Variants in OSBPL2 observed in about 807,000 individuals in gnomAD.
OSBPL2 encodes the protein oxysterol binding protein like 2.
A neutral mutation model predicts 58.4 loss-of-function variants in OSBPL2; 18 were observed. That is an observed-to-expected ratio of 0.31 (90% confidence interval 0.21 to 0.46). The LOEUF (loss-of-function observed/expected upper bound fraction) is 0.46, where lower values mean the gene tolerates loss of function less well. OSBPL2 is among the 20% of genes least tolerant of loss of function. OSBPL2 has a pLI of 1.00. For synonymous variants in OSBPL2, 221 were observed against 234.1 expected (o/e 0.94, Z 0.51); for missense variants, 461 against 616.5 (o/e 0.75, Z 2.67).
At position 62,281,847 on chromosome 20, in the gene OSBPL2, T is replaced by C. The variant is rs147023501; in HGVS notation, c.840T>C (p.Leu280=). The change falls in exon 9 of 14, where the codon CTT becomes CTC. Residue 280 remains leucine (L), a synonymous_variant. Coordinates refer to ENST00000313733, the MANE Select transcript of OSBPL2 (RefSeq NM_144498.4). ...FKPCGLFGKE[L]HKVEGHIQDK... ...CGTGTGGATTATTTGGAAAAGAACT[T>C]CACAAGGTGGAAGGACACATTCAAG... 4.7e-5 allele frequency: 76 copies of C among 1,612,506 alleles called. No individual in the cohort carries two copies. Among genetic ancestry groups the C allele is most frequent in the Non-Finnish European group, 1.0e-5 (12 of 1,178,694 alleles).
Position 62,251,113 on chromosome 20 carries a change from G to A in OSBPL2, c.-128-4944G>A, listed in dbSNP as rs556050823. On this transcript the variant is annotated intron_variant, in intron 1 of 13. Transcript: ENST00000313733. ...GGCTGGAGTGCAGTGGTGCGATCTC[G>A]GCTCACCGCAAGCTCTGCCTCCTGG... Among the ~76,000 whole-genome samples, 5 of 143,166 alleles carry A rather than the reference G, an allele frequency of 3.5e-5. No homozygotes were observed. In the East Asian group the frequency reaches 8.1e-4, roughly 23 times the overall value. The allele number at this position is 143,166 out of a possible 152,430, so 93.9% of individuals were successfully genotyped here. A position where few individuals can be genotyped will look rare whatever the true frequency, so the allele number is the denominator to read the frequency against.
chr20:62,278,164 T>G (rs1269666895), intron 6 of OSBPL2: 1 of 173,792 alleles, frequency 5.8e-6, no homozygotes, highest in African/African-American at 2.4e-5. Flanking sequence ...GTGGGTCAGA[T>G]GTGCTCTGGA....
At chr20:62,292,017 G>A (rs1983555376) in intron 13 of OSBPL2, among the ~76,000 whole-genome samples, 2 of 152,192 alleles carry the variant, frequency 1.3e-5, no homozygotes, top group Admixed American at 1.3e-4. Flanking sequence ...CCTGACCCAT[G>A]TGGTTCCCAC....
At position 62,279,243 on chromosome 20, in the gene OSBPL2, A is replaced by G. The variant is rs1432276230; in HGVS notation, c.578A>G (p.Asp193Gly). Reference sequence around the variant, plus strand: ...TTCCACTCGGAAGGTCTCAACCATGACTTCCTGTTCCATGGCTCCATCTAC... The same window carrying G: ...TTCCACTCGGAAGGTCTCAACCATGGCTTCCTGTTCCATGGCTCCATCTAC... The part of the protein sequence containing the change: ...SAFHSEGLNH[D>G]FLFHGSIYPK... The change falls in exon 7 of 14, where the codon GAC (aspartate) becomes GGC (glycine). Residue 193 changes from aspartate to glycine, a missense_variant. Asp to Gly is a moderately conservative substitution (Grantham distance 94). Around this residue, in one of 5 missense-constraint regions of OSBPL2, gnomAD observed 319 missense variants for 419.2 expected, o/e 0.76. Transcript: ENST00000313733. 6.2e-7 allele frequency: 1 copy of G among 1,614,170 alleles called. No individual in the cohort carries two copies. The highest frequency in any genetic ancestry group is 2.2e-5 in the East Asian group (1 of 44,880).
chr20:62,272,514 G>A (rs1034501420), intron 5 of OSBPL2, among the ~76,000 whole-genome samples: 2 of 152,186 alleles, frequency 1.3e-5, no homozygotes, highest in Non-Finnish European at 2.9e-5. Context: ...GGGAGACTCC[G>A]CCTCTTGGAG....
At chr20:62,246,314 C>T (rs914018350) in intron 1 of OSBPL2, among the ~76,000 whole-genome samples, 7 of 152,246 alleles carry the variant, frequency 4.6e-5, no homozygotes, top group African/African-American at 1.7e-4. Flanking sequence ...TTCAGTTCTC[C>T]CTCACGTTTC....
intron 8 of OSBPL2, 26 bp from the exon 9 acceptor site, chr20:62,281,764 G>GAA: frequency 6.4e-7 from 1 of 1,552,690 alleles, no homozygotes; most frequent in Non-Finnish European, 8.9e-7. Flanking sequence ...TCTTGCAGCA[G>GAA]AAACCTGTGT....
At chr20:62,244,241 G>A (rs989281103) in intron 1 of OSBPL2, among the ~76,000 whole-genome samples, 27 of 152,306 alleles carry the variant, frequency 1.8e-4, no homozygotes, top group African/African-American at 4.3e-4. Flanking sequence ...CCCTCACCGC[G>A]TCCTCCGCCT....
chr20:62,281,348 G>A, intron 8 of OSBPL2, 183 bp downstream of exon 8: 16 of 577,860 alleles, frequency 2.8e-5, no homozygotes, highest in Non-Finnish European at 4.4e-5. Flanking sequence ...GGCCATGAAT[G>A]CTCCTCGTTC....
At chr20:62,247,786 T>G (rs1384431854) in intron 1 of OSBPL2, among the ~76,000 whole-genome samples, 2 of 151,396 alleles carry the variant, frequency 1.3e-5, no homozygotes, top group African/African-American at 4.8e-5. Context: ...TGCCTCAGCC[T>G]CCCTAGTAGC....
chr20:62,259,852 C>A, intron 2 of OSBPL2, 129 bp from the exon 3 acceptor site: 1 of 825,244 alleles, frequency 1.2e-6, no homozygotes, highest in Non-Finnish European at 2.0e-6. Flanking sequence ...AGAGTTAATT[C>A]TTCCAAATGT....
intron 3 of OSBPL2, among the ~76,000 whole-genome samples, chr20:62,261,546 T>G (rs1346385131): frequency 1.3e-5 from 2 of 152,134 alleles, no homozygotes; most frequent in African/African-American, 4.8e-5. Flanking sequence ...CACCTGTTGT[T>G]TGTTCGTTCT....
At chr20:62,239,554 A>G (rs1979579578) in intron 1 of OSBPL2, among the ~76,000 whole-genome samples, 1 of 152,106 alleles carries the variant, frequency 6.6e-6, no homozygotes, top group Non-Finnish European at 1.5e-5. Flanking sequence ...CAGCTTTGGG[A>G]TGACTGCCCG....
rs558628456 is a variant in OSBPL2 at position 62,292,723 on chromosome 20, C to G, written c.1340+930C>G. Among the ~76,000 whole-genome samples, 13 of 152,288 alleles carry G rather than the reference C, an allele frequency of 8.5e-5. No individual in the cohort carries two copies. The South Asian group carries it at 2.3e-3, about 27-fold the overall frequency. ...AGGATTCGTTCTCAAGGCCCAACAA[C>G]AATGATACCCGGTGGCTTACATGTG... On this transcript the variant is annotated intron_variant, in intron 13 of 13. Transcript: ENST00000313733.
At chr20:62,279,129 T>C in intron 6 of OSBPL2, 28 bp from the exon 7 acceptor site, 1 of 1,580,498 alleles carries the variant, frequency 6.3e-7, no homozygotes, top group Non-Finnish European at 8.6e-7. Context: ...GCCATTAATG[T>C]GTCTCTCTTT....
At chr20:62,278,078 G>A (rs537374940) in intron 6 of OSBPL2, among the ~76,000 whole-genome samples, 3 of 152,376 alleles carry the variant, frequency 2.0e-5, no homozygotes, top group African/African-American at 7.2e-5. Flanking sequence ...CCTCTAGCCA[G>A]ACACTGCTGT....
At chr20:62,244,445 G>A (rs1281814903) in intron 1 of OSBPL2, among the ~76,000 whole-genome samples, 1 of 152,214 alleles carries the variant, frequency 6.6e-6, no homozygotes, top group African/African-American at 2.4e-5. Context: ...GGCTTTCTGA[G>A]AGCAGGGCGC....
At chr20:62,268,918 G>A (rs1466005777) in intron 4 of OSBPL2, among the ~76,000 whole-genome samples, 1 of 152,208 alleles carries the variant, frequency 6.6e-6, no homozygotes, top group East Asian at 1.9e-4. Context: ...TTAGCCGGGT[G>A]TGGCAGTGCA....
chr20:62,245,269 T>G (rs1980024105), intron 1 of OSBPL2, among the ~76,000 whole-genome samples: 1 of 152,162 alleles, frequency 6.6e-6, no homozygotes. Context: ...TTTTTTTGTA[T>G]TTTTAGTAGA....
Sources: gnomAD v4.1 joint callset for allele counts (sites outside exome capture counted in the v4.1 genomes callset) on GRCh38, gnomAD v4.1.1 for gene constraint, gnomAD v4.1.1 regional missense constraint, MANE v1.5 for transcripts, NCBI Gene and HGNC (gene_info 2026-07-23, HGNC 2026-07-21) for gene names.